The following MTA1 variants were observed in gnomAD, a reference collection of about 807,000 sequenced individuals.
MTA1 encodes metastasis associated 1.
A neutral mutation model predicts 97.0 loss-of-function variants in MTA1; 15 were observed. That is an observed-to-expected ratio of 0.15 (90% CI 0.10 to 0.24). The LOEUF (loss-of-function observed/expected upper bound fraction) is 0.24. Among genes scored for constraint, MTA1 ranks in the 10% least tolerant of loss-of-function variants. The probability of loss-of-function intolerance (pLI) is 1.00; values close to 1 mark genes in which losing one functional copy is unlikely to be tolerated. For synonymous variants in MTA1, 435 were observed against 417.5 expected (o/e 1.04, Z -0.51); for missense variants, 709 against 1,015.1 (o/e 0.70, Z 4.10).
At chr14:105,460,662 G>A (rs1228574542) in intron 9 of MTA1, 103 bp from the exon 10 acceptor site, 5 of 1,328,208 alleles carry the variant, frequency 3.8e-6, no homozygotes, top group East Asian at 4.9e-5. Flanking sequence ...GTGCTGCTGG[G>A]CCTGCAGTAG....
At chr14:105,466,817 C>T (rs587607883) in intron 18 of MTA1, 75 bp downstream of exon 18, 18 of 1,482,062 alleles carry the variant, frequency 1.2e-5, no homozygotes, top group East Asian at 2.5e-5. Context: ...TCTGTGTCCC[C>T]GCGGCGGGCG....
At chr14:105,425,372 C>G (rs1555421992) in intron 1 of MTA1, among the ~76,000 whole-genome samples, 1 of 152,142 alleles carries the variant, frequency 6.6e-6, no homozygotes, top group Non-Finnish European at 1.5e-5. Flanking sequence ...ACCCCACAGG[C>G]TCAGGCGATC....
intron 3 of MTA1, chr14:105,449,087 G>A (rs782618689): frequency 8.2e-5 from 37 of 451,476 alleles, no homozygotes; most frequent in Non-Finnish European, 1.3e-4. Flanking sequence ...AGTGGGGGCA[G>A]GGGTGGCCTC....
chr14:105,454,338 C>A, intron 7 of MTA1, 28 bp downstream of exon 7: 1 of 1,520,352 alleles, frequency 6.6e-7, no homozygotes, highest in Non-Finnish European at 9.1e-7. Context: ...GGGCATGGAG[C>A]CCTCTGTCCT....
chr14:105,428,815 T>C (rs1207724036), intron 1 of MTA1, among the ~76,000 whole-genome samples: 1 of 151,536 alleles, frequency 6.6e-6, no homozygotes, highest in Non-Finnish European at 1.5e-5. Flanking sequence ...CCTCAGTCTC[T>C]TGGGCTCAAG....
intron 8 of MTA1, among the ~76,000 whole-genome samples, chr14:105,458,887 C>T (rs1595391518): frequency 2.0e-5 from 3 of 152,328 alleles, no homozygotes; most frequent in East Asian, 3.9e-4. Flanking sequence ...GGGTGGGTGC[C>T]GGGCCCTACT....
Position 105,470,255 on chromosome 14 carries a change from G to T in MTA1, c.*40G>T. 1 of 1,060,710 alleles carries T rather than the reference G, an allele frequency of 9.4e-7. No homozygotes were observed. Among genetic ancestry groups the T allele is most frequent in the Non-Finnish European group, 1.1e-6 (1 of 880,842 alleles). The allele number at this position is 1,060,710 out of a possible 1,614,324, so 65.7% of individuals were successfully genotyped here. On this transcript the variant is annotated 3_prime_UTR_variant, in exon 21 of 21. Coordinates refer to ENST00000331320, the MANE Select transcript of MTA1 (RefSeq NM_004689.4). Reference sequence around the variant, plus strand: ...TGCGGCCGCCCCCCGCCCCTCGCCCGCCCACACGGCCCCTTCCCAGCCAGC... The same window carrying T: ...TGCGGCCGCCCCCCGCCCCTCGCCCTCCCACACGGCCCCTTCCCAGCCAGC...
chr14:105,420,334 G>A lies in MTA1; in HGVS notation c.28+271G>A, dbSNP rs2081785891. ...GGCCGAGGGGGCGGCCGCGGGGGTGGCGGGGGGGCGCGGGGCCTGCGGGAC... is the reference window on the plus strand; with the variant it reads ...GGCCGAGGGGGCGGCCGCGGGGGTGACGGGGGGGCGCGGGGCCTGCGGGAC... On this transcript the variant is annotated intron_variant, in intron 1 of 20. Coordinates refer to ENST00000331320, the MANE Select transcript of MTA1 (RefSeq NM_004689.4). This position sits in a 1 kb window ranked among gnomAD's most constrained non-coding sequence, Gnocchi z 5.3. 1.3e-5 allele frequency among the ~76,000 whole-genome samples: 2 copies of A among 151,092 alleles called. No homozygotes were observed. The highest frequency in any genetic ancestry group is 3.0e-5 in the Non-Finnish European group (2 of 67,608).
chr14:105,460,433 A>G lies in MTA1; in HGVS notation c.729A>G (p.Ala243=). The change falls in exon 9 of 21, where the codon GCA becomes GCG. Residue 243 remains alanine, a synonymous_variant. Transcript: ENST00000331320. ...VRQPSLHMSA[A]AASRDITLFH... is the part of the protein sequence containing the mutation. ...AGCCCAGCCTGCACATGAGCGCCGC[A>G]GCTGCCTCCCGAGACATCACCCTGG... The G allele has an allele frequency of 6.2e-7, 1 of 1,611,106 alleles. No homozygotes were observed. The highest frequency in any genetic ancestry group is 8.5e-7 in the Non-Finnish European group (1 of 1,179,248).
rs2083423329 is a variant in MTA1 at position 105,463,097 on chromosome 14, CCTT to C, written c.943-84_943-82del. On this transcript the variant is annotated intron_variant, in intron 10 of 20. Coordinates refer to ENST00000331320, the MANE Select transcript of MTA1 (RefSeq NM_004689.4). The surrounding 1 kb of genome is among the most constrained non-coding windows in gnomAD (Gnocchi z 5.9). ...CTCTGGCCTCCCGCCCCCTCTGTGGCCTTCTGGCCGCAGCCCTGCCCCTGCCTG... is the reference window on the plus strand; with the variant it reads ...CTCTGGCCTCCCGCCCCCTCTGTGGCCTGGCCGCAGCCCTGCCCCTGCCTG... 2 of 1,341,194 alleles carry C rather than the reference CCTT, an allele frequency of 1.5e-6. No individual in the cohort carries two copies. Among genetic ancestry groups the C allele is most frequent in the African/African-American group, 1.4e-5 (1 of 69,556 alleles). The allele number at this position is 1,341,194 out of a possible 1,614,324, so 83.1% of individuals were successfully genotyped here.
rs1320484709 is a variant in MTA1 at position 105,469,904 on chromosome 14, G to T, written c.1909G>T (p.Gly637Trp). ...SYPTKVRLIR[G>W]GSLPPVKRRR... ...CCCCACCAAAGTGCGCCTGATCCGG[G>T]GGGGCTCCCTGCCCCCAGTCAAGCG... The change falls in exon 20 of 21, where the codon GGG (glycine) becomes TGG (tryptophan). Residue 637 changes from glycine to tryptophan, a missense_variant. Around this residue, in one of 2 missense-constraint regions of MTA1, gnomAD observed 388 missense variants for 421.6 expected, o/e 0.92. Transcript: ENST00000331320. 8 of 1,611,646 alleles carry T rather than the reference G, an allele frequency of 5.0e-6. No homozygotes were observed. Among genetic ancestry groups the T allele is most frequent in the Non-Finnish European group, 6.8e-6 (8 of 1,179,530 alleles).
intron 18 of MTA1, 37 bp downstream of exon 18, chr14:105,466,779 C>T: frequency 1.3e-6 from 2 of 1,551,414 alleles, no homozygotes; most frequent in African/African-American, 1.4e-5. Flanking sequence ...CTGCGCCGGC[C>T]CCGCCCGTGA....
chr14:105,421,642 GC>G (rs1370442370), intron 1 of MTA1, among the ~76,000 whole-genome samples: 8 of 152,204 alleles, frequency 5.3e-5, no homozygotes, highest in Admixed American at 2.6e-4. Flanking sequence ...CAGCCTGGCT[GC>G]CCCCCCTCCA....
chr14:105,455,166 A>T (rs1328336341), intron 7 of MTA1, among the ~76,000 whole-genome samples: 1 of 152,148 alleles, frequency 6.6e-6, no homozygotes, highest in South Asian at 2.1e-4. Context: ...TCGACCTCCC[A>T]AACTGCTGGG....
intron 1 of MTA1, among the ~76,000 whole-genome samples, chr14:105,435,890 C>T (rs755461147): frequency 2.6e-5 from 4 of 152,160 alleles, no homozygotes; most frequent in African/African-American, 7.2e-5. Flanking sequence ...TCCCATCTGT[C>T]GTTCCTGATG....
chr14:105,439,776 A>G (rs1555425256), intron 2 of MTA1, among the ~76,000 whole-genome samples: 2 of 151,962 alleles, frequency 1.3e-5, no homozygotes, highest in African/African-American at 4.8e-5. Context: ...GCCTTCTCCT[A>G]GGAGCCCTGC....
intron 3 of MTA1, among the ~76,000 whole-genome samples, chr14:105,446,404 G>T (rs1344407108): frequency 2.0e-5 from 3 of 152,214 alleles, no homozygotes; most frequent in African/African-American, 7.2e-5. Flanking sequence ...TACCCGTGTC[G>T]CTGGGGTGGG....
intron 1 of MTA1, among the ~76,000 whole-genome samples, chr14:105,433,016 C>T (rs1034508183): frequency 6.6e-6 from 1 of 152,134 alleles, no homozygotes; most frequent in Admixed American, 6.5e-5. Flanking sequence ...AATATAGGGG[C>T]CCCAAGACCA....
chr14:105,439,366 C>T (rs1555425151), intron 2 of MTA1, among the ~76,000 whole-genome samples: 1 of 152,190 alleles, frequency 6.6e-6, no homozygotes, highest in African/African-American at 2.4e-5. Context: ...CGTGGTTGTG[C>T]CCATGCATTG....
Sources: allele counts gnomAD v4.1 joint callset (sites outside exome capture counted in the v4.1 genomes callset), GRCh38; gene constraint gnomAD v4.1.1; regional missense constraint gnomAD v4.1.1; non-coding constraint Gnocchi (gnomAD v3.1); transcripts MANE v1.5; gene names NCBI Gene and HGNC (gene_info 2026-07-23, HGNC 2026-07-21).